Variants in DNAH5 observed in about 807,000 individuals in gnomAD.
DNAH5 encodes the protein dynein axonemal heavy chain 5.
Under a neutral mutation model 518.2 loss-of-function variants are expected in DNAH5, and 372 were observed. That is an observed-to-expected ratio of 0.72 (90% CI 0.66 to 0.78). The LOEUF is 0.78. Among genes scored for constraint, DNAH5 ranks in the 30% least tolerant of loss-of-function variants. The pLI is 0.00. For synonymous variants in DNAH5, 2,039 were observed against 2,025.9 expected (o/e 1.01, Z -0.17); for missense variants, 5,523 against 5,687.0 (o/e 0.97, Z 0.93).
In DNAH5 at chr5:13,759,012, A is replaced by T. The variant is rs753296018; in HGVS notation, c.10282-29T>A. The T allele has an allele frequency of 2.5e-6, 4 of 1,613,782 alleles. No individual in the cohort carries two copies. The East Asian group carries it at 8.9e-5, about 36-fold the overall frequency. On this transcript the variant is annotated intron_variant, in intron 60 of 78. Coordinates refer to ENST00000265104, the MANE Select transcript of DNAH5 (RefSeq NM_001369.3). ...CACAGGACACACACAGAGTGAAGAG[A>T]TGGGCAGCCAACCTCAAAACATCCT...
chr5:14,000,784 G>A (rs907946209), intron 1 of DNAH5, among the ~76,000 whole-genome samples: 50 of 152,208 alleles, frequency 3.3e-4, no homozygotes, highest in African/African-American at 1.4e-4. Context: ...CAGCAATCCC[G>A]TTACTGAGTA....
intron 38 of DNAH5, 69 bp from the exon 39 acceptor site, chr5:13,824,402 A>G: frequency 6.9e-7 from 1 of 1,455,484 alleles, no homozygotes; most frequent in Non-Finnish European, 9.6e-7. Flanking sequence ...TATGAATCTG[A>G]CAGAAATTAT....
chr5:13,937,527 A>G (rs1779040643), intron 1 of DNAH5, among the ~76,000 whole-genome samples: 1 of 142,474 alleles, frequency 7.0e-6, no homozygotes, highest in Non-Finnish European at 1.5e-5. Flanking sequence ...TCAGTAGGTG[A>G]TGCTCCAGAT....
At chr5:13,830,492 A>G (rs1233070395) in intron 36 of DNAH5, 105 bp downstream of exon 36, 7 of 1,400,596 alleles carry the variant, frequency 5.0e-6, no homozygotes, top group Non-Finnish European at 7.0e-6. Context: ...AATTTTACAA[A>G]GTTGAAAATG....
At chr5:14,011,474 C>T (rs1416460632) in intron 1 of DNAH5, among the ~76,000 whole-genome samples, 2 of 152,166 alleles carry the variant, frequency 1.3e-5, no homozygotes, top group Non-Finnish European at 2.9e-5. Context: ...CCTAAAAGGT[C>T]AAGAAAGTGC....
At position 13,727,682 on chromosome 5, in the gene DNAH5, G is replaced by A. The variant is rs759209995; in HGVS notation, c.11884-26C>T. On this transcript the variant is annotated intron_variant, in intron 69 of 78. Transcript: ENST00000265104. Reference sequence around the variant, plus strand: ...CTGAAAATACCATGGGATAAAAACTGTGTCATGCCACCCAACAATCTTTCA... The same window carrying A: ...CTGAAAATACCATGGGATAAAAACTATGTCATGCCACCCAACAATCTTTCA... 9 of 1,613,284 alleles carry A rather than the reference G, an allele frequency of 5.6e-6. No homozygotes were observed. The South Asian group carries it at 9.9e-5, about 18-fold the overall frequency.
chr5:13,866,756 A>C (rs1769313632), intron 25 of DNAH5, among the ~76,000 whole-genome samples: 1 of 152,220 alleles, frequency 6.6e-6, no homozygotes, highest in Admixed American at 6.5e-5. Context: ...GCGTTGGTAC[A>C]TGGGTCCAAT....
At chr5:13,766,333 G>T (rs2126763690) in intron 58 of DNAH5, among the ~76,000 whole-genome samples, 154 bp from the exon 59 acceptor site, 1 of 152,174 alleles carries the variant, frequency 6.6e-6, no homozygotes, top group East Asian at 1.9e-4. Flanking sequence ...TAATCCCAAA[G>T]AAACACCATG....
intron 22 of DNAH5, among the ~76,000 whole-genome samples, chr5:13,873,928 T>C (rs1368622958): frequency 6.6e-6 from 1 of 152,216 alleles, no homozygotes; most frequent in East Asian, 1.9e-4. Context: ...AGTGCAATTA[T>C]CTGAAATAAC....
Position 13,870,839 on chromosome 5 carries a change from C to A in DNAH5, c.3762G>T (p.Arg1254=). The part of the protein sequence containing the change: ...NRPIKDLDDI[R]IAMAALKEIR... ...TTTCTTTCAGCGCTGCCATTGCAAT[C>A]CGAATATCATCTAGGTCCTTAATTG... The change falls in exon 24 of 79, where the codon CGG becomes CGT. Residue 1254 remains arginine, a synonymous_variant. Coordinates refer to ENST00000265104, the MANE Select transcript of DNAH5 (RefSeq NM_001369.3). 6.2e-7 allele frequency: 1 copy of A among 1,613,860 alleles called. No individual in the cohort carries two copies. Among genetic ancestry groups the A allele is most frequent in the Non-Finnish European group, 8.5e-7 (1 of 1,179,836 alleles).
intron 45 of DNAH5, 141 bp downstream of exon 45, chr5:13,809,917 CT>C (rs1400882150): frequency 4.6e-6 from 4 of 878,064 alleles, no homozygotes; most frequent in Non-Finnish European, 7.3e-6. Flanking sequence ...CCACTGTTCA[CT>C]TTCTTCACAC....
At chr5:13,952,598 GT>G (rs1780502225) in intron 1 of DNAH5, among the ~76,000 whole-genome samples, 1 of 152,102 alleles carries the variant, frequency 6.6e-6, no homozygotes, top group Non-Finnish European at 1.5e-5. Context: ...GTATTTCTGG[GT>G]TTTCCAACTG....
intron 7 of DNAH5, 78 bp from the exon 8 acceptor site, chr5:13,917,334 C>T (rs554530683): frequency 1.9e-6 from 2 of 1,036,322 alleles, no homozygotes; most frequent in Admixed American, 1.8e-5. Flanking sequence ...CTAAGAGTCA[C>T]CACAAGTCCA....
intron 31 of DNAH5, among the ~76,000 whole-genome samples, chr5:13,850,250 T>C (rs62340495): frequency 2.6e-3 from 391 of 152,236 alleles, no homozygotes; most frequent in Non-Finnish European, 4.3e-3. Context: ...TGTAGATAGA[T>C]ATTAGACACT....
At chr5:13,823,226 CAG>C (rs1256362337) in intron 40 of DNAH5, 35 bp downstream of exon 40, 1 of 1,346,320 alleles carries the variant, frequency 7.4e-7, no homozygotes, top group South Asian at 1.2e-5. Context: ...TCAGATGAAA[CAG>C]ACACCAGCCC....
chr5:13,905,455 C>T (rs533190393), intron 12 of DNAH5, among the ~76,000 whole-genome samples: 33 of 152,344 alleles, frequency 2.2e-4, no homozygotes, highest in Non-Finnish European at 4.4e-4. Context: ...TTGGACTTCT[C>T]AGTCTCCAGA....
chr5:13,852,107 C>CT, intron 30 of DNAH5, among the ~76,000 whole-genome samples: 2 of 151,772 alleles, frequency 1.3e-5, no homozygotes, highest in Non-Finnish European at 2.9e-5. Flanking sequence ...CCACAAGGGC[C>CT]TGGGTTTCAA....
chr5:13,805,527 TATGGCCA>T (rs1156440047), intron 47 of DNAH5, among the ~76,000 whole-genome samples: 1 of 151,754 alleles, frequency 6.6e-6, no homozygotes, highest in Non-Finnish European at 1.5e-5. Context: ...AGTCTCGTCC[TATGGCCA>T]ATGATGTAAT....
At chr5:13,937,273 A>G (rs1169864795) in intron 1 of DNAH5, among the ~76,000 whole-genome samples, 3 of 147,652 alleles carry the variant, frequency 2.0e-5, no homozygotes, top group Non-Finnish European at 4.5e-5. Flanking sequence ...AGTGTGCTCT[A>G]GCAGGAGACC....
Sources: gnomAD v4.1 joint callset for allele counts (sites outside exome capture counted in the v4.1 genomes callset) on GRCh38, gnomAD v4.1.1 for gene constraint, MANE v1.5 for transcripts, NCBI Gene and HGNC (gene_info 2026-07-23, HGNC 2026-07-21) for gene names.